Variants in MTMR10 observed in about 807,000 individuals in gnomAD.
The protein encoded by MTMR10 is myotubularin-related protein 10.
In MTMR10, 56 loss-of-function variants were observed where a neutral mutation model predicts 88.1. That is an observed-to-expected ratio of 0.64 (90% CI 0.51 to 0.79). MTMR10 has a LOEUF of 0.79. Among genes scored for constraint, MTMR10 ranks in the 30% least tolerant of loss-of-function variants. The probability of loss-of-function intolerance (pLI) is 0.00; values close to 1 mark genes in which losing one functional copy is unlikely to be tolerated. For synonymous variants in MTMR10, 380 were observed against 340.9 expected (o/e 1.11, Z -1.26); for missense variants, 883 against 924.7 (o/e 0.95, Z 0.58).
chr15:30,927,310 C>T, the MTMR10 span: 1 of 985,462 alleles, frequency 1.0e-6, no homozygotes, highest in Non-Finnish European at 1.2e-6. Flanking sequence ...GAAATCAGGT[C>T]CTAGCTCCAC....
intron 4 of MTMR10, 36 bp from the exon 5 acceptor site, chr15:30,974,492 G>C (rs138149101): frequency 5.1e-5 from 75 of 1,465,750 alleles, no homozygotes; most frequent in Admixed American, 2.3e-4. Context: ...AATAAAATGC[G>C]TAACAGTTAT....
At chr15:30,927,874 CTG>C in the MTMR10 span, 1 of 985,690 alleles carries the variant, frequency 1.0e-6, no homozygotes, top group Non-Finnish European at 1.2e-6. Flanking sequence ...GCCTCTGACT[CTG>C]TGACCTCAGC....
At chr15:30,920,160 T>C in the MTMR10 span, among the ~76,000 whole-genome samples, 9 of 152,252 alleles carry the variant, frequency 5.9e-5, no homozygotes, top group Non-Finnish European at 1.2e-4. Context: ...TTTGTGGACA[T>C]TGAAATTTCA....
rs564645229 is a variant in MTMR10 at position 30,978,873 on chromosome 15, C to T, written c.122-1918G>A. ...AATATTGGCCTTAACTGAATTCTAA[C>T]GAGAAAAAAAATTTAAGATGACCAA... On this transcript the variant is annotated intron_variant, in intron 2 of 15. Coordinates refer to ENST00000435680, the MANE Select transcript of MTMR10 (RefSeq NM_017762.3). 1.8e-4 allele frequency among the ~76,000 whole-genome samples: 26 copies of T among 148,564 alleles called. No homozygotes were observed. The East Asian group carries it at 1.9e-3, about 11-fold the overall frequency.
At chr15:30,949,504 A>C (rs796978007) in intron 12 of MTMR10, 7 of 152,358 alleles carry the variant, frequency 4.6e-5, no homozygotes, top group African/African-American at 1.7e-4. Flanking sequence ...TGAGGTCAGT[A>C]AGGTTACAGA....
intron 2 of MTMR10, among the ~76,000 whole-genome samples, chr15:30,979,656 T>C (rs186277361): frequency 1.7e-4 from 26 of 152,320 alleles, no homozygotes; most frequent in African/African-American, 6.0e-4. Context: ...ACAGAGCTTG[T>C]GTGGCAGAGC....
At chr15:30,938,545 C>T (rs184616524), downstream of MTMR10, among the ~76,000 whole-genome samples, 35 of 152,228 alleles carry the variant, frequency 2.3e-4, no homozygotes, top group African/African-American at 6.5e-4. Flanking sequence ...ACAGTCAAAT[C>T]GGCTGCTCAT....
At chr15:30,956,651 A>G (rs1320737051) in intron 9 of MTMR10, among the ~76,000 whole-genome samples, 2 of 152,240 alleles carry the variant, frequency 1.3e-5, no homozygotes, top group African/African-American at 4.8e-5. Context: ...CACCTGAGGG[A>G]AAAAGGTTAG....
chr15:30,919,981 TA>T, the MTMR10 span, among the ~76,000 whole-genome samples: 1 of 152,198 alleles, frequency 6.6e-6, no homozygotes, highest in Non-Finnish European at 1.5e-5. Flanking sequence ...TAGATTACTA[TA>T]AACAGAGGTT....
chr15:30,965,602 T>C (rs1038858134), intron 6 of MTMR10, among the ~76,000 whole-genome samples: 19 of 152,216 alleles, frequency 1.2e-4, no homozygotes, highest in African/African-American at 4.6e-4. Context: ...AACAGAATCA[T>C]TGTTCTTGTT....
At chr15:30,991,338 C>T (rs1595958632) in intron 1 of MTMR10, 109 bp downstream of exon 1, 1 of 1,133,932 alleles carries the variant, frequency 8.8e-7, no homozygotes, top group Non-Finnish European at 1.2e-6. Context: ...CTGCTGTGGG[C>T]AGGGAGACGC....
In MTMR10 at chr15:30,941,681, T is replaced by C. The variant is rs200560796; in HGVS notation, c.2123A>G (p.Tyr708Cys). The change falls in exon 16 of 16, where the codon TAT becomes TGT. Residue 708 changes from tyrosine to cysteine, a missense_variant. Coordinates refer to ENST00000435680, the MANE Select transcript of MTMR10 (RefSeq NM_017762.3). Reference protein sequence around the residue: ...QQRSGPLEACYGELGQSRMYF... With the variant: ...QQRSGPLEACCGELGQSRMYF... ...CATCCTGCTCTGGCCCAGCTCCCCA[T>C]AGCAGGCCTCCAGGGGGCCACTGCG... is the stretch of plus-strand genomic sequence containing the variant. The C allele has an allele frequency of 5.0e-4, 799 of 1,613,718 alleles. 2 individuals carry two copies. The highest frequency in any genetic ancestry group is 6.2e-5 in the Non-Finnish European group (73 of 1,179,760).
chr15:30,933,927 AT>A, the MTMR10 span, among the ~76,000 whole-genome samples: 11 of 151,506 alleles, frequency 7.3e-5, no homozygotes, highest in African/African-American at 2.7e-4. Context: ...TGCCCAGCTG[AT>A]TTTTTTTATT....
chr15:30,955,513 A>C (rs930794440), intron 9 of MTMR10, among the ~76,000 whole-genome samples: 1 of 151,068 alleles, frequency 6.6e-6, no homozygotes, highest in Admixed American at 6.6e-5. Context: ...CTTGTGATTC[A>C]CCCCCCTTGG....
chr15:30,968,733 T>C (rs2063502667), intron 5 of MTMR10, among the ~76,000 whole-genome samples: 1 of 152,180 alleles, frequency 6.6e-6, no homozygotes. Context: ...TAGCCTCAGT[T>C]TGCTCACTTG....
At chr15:30,921,215 C>A in the MTMR10 span, among the ~76,000 whole-genome samples, 5 of 152,054 alleles carry the variant, frequency 3.3e-5, no homozygotes, top group African/African-American at 4.8e-5. Flanking sequence ...AATCTGTGTC[C>A]CAGGATGGCC....
At chr15:30,942,564 C>A in intron 15 of MTMR10, 1 of 356,256 alleles carries the variant, frequency 2.8e-6, no homozygotes. Flanking sequence ...GTCAGGAGGC[C>A]ATGACTACAT....
the MTMR10 span, chr15:30,925,912 C>T: frequency 1.2e-6 from 2 of 1,614,106 alleles, no homozygotes; most frequent in South Asian, 1.1e-5. Context: ...GGCACTGGCC[C>T]ATTACAGACG....
intron 2 of MTMR10, among the ~76,000 whole-genome samples, chr15:30,984,571 G>A (rs905338974): frequency 6.6e-6 from 1 of 152,146 alleles, no homozygotes; most frequent in Non-Finnish European, 1.5e-5. Flanking sequence ...CGTATGGTGA[G>A]ACAGAAAACA....
Sources: allele counts gnomAD v4.1 joint callset (sites outside exome capture counted in the v4.1 genomes callset), GRCh38; gene constraint gnomAD v4.1.1; transcripts MANE v1.5; gene names NCBI Gene and HGNC (gene_info 2026-07-23, HGNC 2026-07-21).